The following TMEM132B variants were observed in gnomAD, a reference collection of about 807,000 sequenced individuals.
TMEM132B encodes transmembrane protein 132B.
TMEM132B carries 18 observed loss-of-function variants against 90.8 expected under a neutral mutation model. The ratio of observed to expected loss-of-function variants is 0.20; its 90% CI spans 0.14 to 0.29. TMEM132B has a LOEUF of 0.29. Among genes scored for constraint, TMEM132B ranks in the 10% least tolerant of loss-of-function variants. TMEM132B has a pLI of 1.00. For synonymous variants in TMEM132B, 504 were observed against 523.3 expected (o/e 0.96, Z 0.50); for missense variants, 1,096 against 1,326.8 (o/e 0.83, Z 2.70).
In TMEM132B at chr12:125,459,308, C is replaced by T. The variant is rs1364469664; in HGVS notation, c.1106+43631C>T. Reference sequence around the variant, plus strand: ...GGTCCCAGGAGTATGAACACTGCTGCCTCCCACTGTTATCCTGCATGCTTG... The same window carrying T: ...GGTCCCAGGAGTATGAACACTGCTGTCTCCCACTGTTATCCTGCATGCTTG... On this transcript the variant is annotated intron_variant, in intron 3 of 8. Transcript: ENST00000682704. The surrounding 1 kb of genome is among the most constrained non-coding windows in gnomAD (Gnocchi z 4.1). Among the ~76,000 whole-genome samples the T allele has an allele frequency of 6.6e-6, 1 of 152,192 alleles. No individual in the cohort carries two copies. The highest frequency in any genetic ancestry group is 1.5e-5 in the Non-Finnish European group (1 of 68,044).
intron 4 of TMEM132B, among the ~76,000 whole-genome samples, chr12:125,559,998 T>C (rs758580366): frequency 5.9e-5 from 9 of 152,164 alleles, no homozygotes; most frequent in Non-Finnish European, 1.5e-5. Context: ...GCTGCCAGCC[T>C]CTCTGGGCTC....
Position 125,324,895 on chromosome 12 carries a change from C to T in TMEM132B, c.68-24557C>T, listed in dbSNP as rs781725173. Among the ~76,000 whole-genome samples, 19 of 152,264 alleles carry T rather than the reference C, an allele frequency of 1.2e-4. 1 individual carries two copies. Among genetic ancestry groups the T allele is most frequent in the Admixed American group, 8.5e-4 (13 of 15,282 alleles). ...ATCAGCTTGAAAGGTGAGCTGTGGA[C>T]GTGGCAATCTCTTATTTTGGGGGAA... On this transcript the variant is annotated intron_variant, in intron 1 of 8. Coordinates refer to ENST00000682704, the MANE Select transcript of TMEM132B (RefSeq NM_001366854.1).
At chr12:125,640,689 C>CAG (rs1566097983) in intron 5 of TMEM132B, among the ~76,000 whole-genome samples, 3 of 127,606 alleles carry the variant, frequency 2.4e-5, no homozygotes, top group Non-Finnish European at 5.1e-5. Context: ...GGCTCACACA[C>CAG]GCAAAATGCT....
At chr12:125,466,552 A>C (rs1881566468) in intron 3 of TMEM132B, among the ~76,000 whole-genome samples, 1 of 152,218 alleles carries the variant, frequency 6.6e-6, no homozygotes, top group Non-Finnish European at 1.5e-5. Context: ...TGATTCACAG[A>C]CTGTAGATAC....
chr12:125,533,683 G>C (rs1485513714), intron 4 of TMEM132B, among the ~76,000 whole-genome samples: 1 of 134,978 alleles, frequency 7.4e-6, no homozygotes, highest in Admixed American at 7.3e-5. Context: ...CCTCCCCGGC[G>C]GAGGCTCCTG....
intron 4 of TMEM132B, among the ~76,000 whole-genome samples, chr12:125,548,418 A>G (rs1592986911): frequency 6.6e-6 from 1 of 152,250 alleles, no homozygotes; most frequent in Non-Finnish European, 1.5e-5. Flanking sequence ...AAAATGATTG[A>G]GTCTACTAAG....
chr12:125,374,730 T>C (rs1878424273), intron 2 of TMEM132B, among the ~76,000 whole-genome samples: 1 of 151,858 alleles, frequency 6.6e-6, no homozygotes, highest in Non-Finnish European at 1.5e-5. Flanking sequence ...TATCCCTTGG[T>C]GCTCACTAGC....
intron 4 of TMEM132B, among the ~76,000 whole-genome samples, chr12:125,540,477 A>G (rs1327275583): frequency 1.3e-5 from 2 of 152,192 alleles, no homozygotes; most frequent in African/African-American, 4.8e-5. Context: ...TGCTCTATCC[A>G]TTTTGAAGCT....
chr12:125,525,673 G>T (rs1883433760), intron 4 of TMEM132B, among the ~76,000 whole-genome samples: 1 of 152,318 alleles, frequency 6.6e-6, no homozygotes, highest in East Asian at 1.9e-4. Flanking sequence ...AGAAGGACCT[G>T]TGGTATACTC....
At chr12:125,207,760 A>G (rs78325619) in intron 1 of TMEM132B, among the ~76,000 whole-genome samples, 5,291 of 152,232 alleles carry the variant, frequency 0.035, 107 homozygotes, top group African/African-American at 0.05. Flanking sequence ...CCATTTCCCC[A>G]GGCCTCCACC....
intron 2 of TMEM132B, among the ~76,000 whole-genome samples, chr12:125,409,599 G>GTGAGT (rs60428449): frequency 9.7e-6 from 1 of 102,694 alleles, no homozygotes; most frequent in African/African-American, 5.5e-5. Context: ...GTGGAGTGGA[G>GTGAGT]GAGTGGAGTG....
intron 2 of TMEM132B, among the ~76,000 whole-genome samples, chr12:125,374,800 G>A (rs1156410585): frequency 1.3e-5 from 2 of 152,008 alleles, no homozygotes; most frequent in African/African-American, 2.4e-5. Flanking sequence ...TCTGTGGCTC[G>A]AATGAGAAAT....
chr12:125,430,224 C>T (rs1278547136), intron 3 of TMEM132B, among the ~76,000 whole-genome samples: 3 of 152,186 alleles, frequency 2.0e-5, no homozygotes, highest in South Asian at 4.1e-4. Flanking sequence ...TCCCTTCCAC[C>T]CCTTAACAGA....
intron 1 of TMEM132B, among the ~76,000 whole-genome samples, chr12:125,197,682 A>T (rs2136054290): frequency 6.6e-6 from 1 of 152,344 alleles, no homozygotes; most frequent in South Asian, 2.1e-4. Context: ...TTAAAGACAA[A>T]ATTTGCCTTA....
At chr12:125,434,018 A>G (rs1880623559) in intron 3 of TMEM132B, among the ~76,000 whole-genome samples, 1 of 152,186 alleles carries the variant, frequency 6.6e-6, no homozygotes, top group Non-Finnish European at 1.5e-5. Flanking sequence ...ATATATGTTT[A>G]TTCTTTCTTA....
chr12:125,524,476 G>A (rs1197683876), intron 4 of TMEM132B, among the ~76,000 whole-genome samples: 1 of 152,234 alleles, frequency 6.6e-6, no homozygotes, highest in Non-Finnish European at 1.5e-5. Context: ...TTGAACTCCA[G>A]TTACTAGCTT....
chr12:125,594,048 T>C (rs1439402003), intron 5 of TMEM132B, among the ~76,000 whole-genome samples: 1 of 152,174 alleles, frequency 6.6e-6, no homozygotes, highest in Non-Finnish European at 1.5e-5. Context: ...CCCTTTATAA[T>C]CTCCTCTCTT....
chr12:125,369,962 T>C (rs917836686), intron 2 of TMEM132B, among the ~76,000 whole-genome samples: 1 of 152,054 alleles, frequency 6.6e-6, no homozygotes, highest in African/African-American at 2.4e-5. Context: ...GGTAGGAAAA[T>C]CACTTGAACC....
At chr12:125,267,967 G>A (rs1874735874) in intron 1 of TMEM132B, among the ~76,000 whole-genome samples, 1 of 152,138 alleles carries the variant, frequency 6.6e-6, no homozygotes, top group African/African-American at 2.4e-5. Context: ...TGAGCCAGGT[G>A]AGGTAGTGCC....
Sources: gnomAD v4.1 joint callset for allele counts (sites outside exome capture counted in the v4.1 genomes callset) on GRCh38, gnomAD v4.1.1 for gene constraint, Gnocchi (gnomAD v3.1) non-coding constraint, MANE v1.5 for transcripts, NCBI Gene and HGNC (gene_info 2026-07-23, HGNC 2026-07-21) for gene names.